Variants in IFT140 observed in about 807,000 individuals in gnomAD.
IFT140 encodes the protein intraflagellar transport protein 140 homolog.
IFT140 carries 133 observed loss-of-function variants against 164.6 expected under a neutral mutation model. That is an observed-to-expected ratio of 0.81 (90% CI 0.70 to 0.93). IFT140 has a LOEUF of 0.93. Among genes scored for constraint, IFT140 ranks in the 40% least tolerant of loss-of-function variants. The pLI is 0.00. For synonymous variants in IFT140, 860 were observed against 817.3 expected, an observed-to-expected ratio of 1.05 and a Z score of -0.89; for missense variants, 2,045 against 1,972.3, an observed-to-expected ratio of 1.04 and a Z score of -0.70.
At chr16:1,558,793 C>T (rs1008320232) in intron 18 of IFT140, among the ~76,000 whole-genome samples, 6 of 152,238 alleles carry the variant, frequency 3.9e-5, no homozygotes, top group African/African-American at 9.6e-5. Context: ...CGCACTCCCC[C>T]GTGTGAAACG....
intron 15 of IFT140, 105 bp downstream of exon 15, chr16:1,568,111 AG>A: frequency 1.3e-6 from 1 of 763,338 alleles, no homozygotes; most frequent in Non-Finnish European, 2.2e-6. Context: ...AACACAGGAC[AG>A]GAAGACTTGC....
intron 19 of IFT140, chr16:1,555,705 C>T (rs375242403): frequency 6.6e-6 from 1 of 152,288 alleles, no homozygotes; most frequent in African/African-American, 2.4e-5. Flanking sequence ...GGCATACACA[C>T]TCTTATCCAC....
At chr16:1,585,948 T>C (rs1408310765) in intron 10 of IFT140, among the ~76,000 whole-genome samples, 182 bp downstream of exon 10, 3 of 151,978 alleles carry the variant, frequency 2.0e-5, no homozygotes, top group Admixed American at 2.0e-4. Flanking sequence ...TTTTTTGTAT[T>C]TTTTAGTAGA....
At position 1,531,696 on chromosome 16, in the gene IFT140, G is replaced by A. The variant is rs1318708026; in HGVS notation, c.2400-4900C>T. 6.6e-6 allele frequency: 1 copy of A among 152,370 alleles called. No homozygotes were observed. Among genetic ancestry groups the A allele is most frequent in the South Asian group, 2.1e-4 (1 of 4,834 alleles). The allele number at this position is 152,370 out of a possible 1,614,324, so 9.4% of individuals were successfully genotyped here. A position where few individuals can be genotyped will look rare whatever the true frequency, so the allele number is the denominator to read the frequency against. On this transcript the variant is annotated intron_variant, in intron 19 of 30. Transcript: ENST00000426508. This position sits in a 1 kb window ranked among gnomAD's most constrained non-coding sequence, Gnocchi z 4.7. The stretch of plus-strand genomic sequence containing the variant: ...CCTCCCGCGCCCAGCCTGCCATAGC[G>A]CGCAGGGTTAGAAGCGGCGTGACAG...
In IFT140 at chr16:1,520,833, G is replaced by T; in HGVS notation, c.3454-25C>A. The T allele has an allele frequency of 1.9e-6, 3 of 1,588,056 alleles. No individual in the cohort carries two copies. The South Asian group carries it at 3.3e-5, about 18-fold the overall frequency. On this transcript the variant is annotated intron_variant, in intron 26 of 30. Coordinates refer to ENST00000426508, the MANE Select transcript of IFT140 (RefSeq NM_014714.4). Reference sequence around the variant, plus strand: ...ACTGCAAAGGTGCAGAAATGGGACGGGGCTGCCGAGGGGGCCGGGAACTGA... The same window carrying T: ...ACTGCAAAGGTGCAGAAATGGGACGTGGCTGCCGAGGGGGCCGGGAACTGA...
At chr16:1,520,432 G>T in intron 27 of IFT140, 89 bp from the exon 28 acceptor site, 2 of 1,447,404 alleles carry the variant, frequency 1.4e-6, no homozygotes, top group Non-Finnish European at 1.9e-6. Flanking sequence ...CACAAGAAGA[G>T]TGGCTCAGGG....
intron 24 of IFT140, 32 bp from the exon 25 acceptor site, chr16:1,523,988 CTCCCACTGGCT>C: frequency 6.2e-7 from 1 of 1,600,682 alleles, no homozygotes; most frequent in Non-Finnish European, 8.5e-7. Context: ...CCTGAAGCGG[CTCCCACTGGCT>C]TCCCCAGGTC....
At chr16:1,517,889 G>C (rs2141133211) in intron 30 of IFT140, among the ~76,000 whole-genome samples, 1 of 152,174 alleles carries the variant, frequency 6.6e-6, no homozygotes, top group East Asian at 1.9e-4. Context: ...CCAGGCTGGA[G>C]TGCAGTGGCG....
intron 19 of IFT140, among the ~76,000 whole-genome samples, chr16:1,556,478 C>T (rs55963259): frequency 0.082 from 12,462 of 152,350 alleles, 618 homozygotes; most frequent in African/African-American, 0.13. Flanking sequence ...ACGGTCGGGG[C>T]CGGGCCATCA....
Position 1,520,154 on chromosome 16 carries a change from C to G in IFT140, c.3850G>C (p.Gly1284Arg), listed in dbSNP as rs1355939213. Residue 1284 changes from glycine (G) to arginine (R), a missense_variant, in exon 28 of 31, where the codon GGC becomes CGC. Transcript: ENST00000426508. ...ACCTGGGCACAAGCGTCATAAAAGC[C>G]AGCCAGGAGGTCCAGGGCCCGCCCC... ...TKGRALDLLA[G>R]FYDACAQVEI... is the part of the protein sequence containing the mutation. 1.2e-6 allele frequency: 2 copies of G among 1,614,178 alleles called. No homozygotes were observed. Among genetic ancestry groups the G allele is most frequent in the Non-Finnish European group, 1.7e-6 (2 of 1,179,996 alleles).
chr16:1,517,071 G>C (rs2040376460), intron 30 of IFT140, among the ~76,000 whole-genome samples: 1 of 151,946 alleles, frequency 6.6e-6, no homozygotes, highest in African/African-American at 2.4e-5. Flanking sequence ...GAGGAAAAAA[G>C]GAATAGAAGG....
At chr16:1,526,821 G>C in intron 19 of IFT140, 25 bp from the exon 20 acceptor site, 1 of 1,597,530 alleles carries the variant, frequency 6.3e-7, no homozygotes. Flanking sequence ...GGGTCTGTGA[G>C]GCTCCTGCCC....
chr16:1,566,057 G>A, intron 16 of IFT140, 104 bp downstream of exon 16: 1 of 1,051,928 alleles, frequency 9.5e-7, no homozygotes, highest in Non-Finnish European at 1.4e-6. Flanking sequence ...GGTGCCTGCT[G>A]GGGCCTTTTG....
Position 1,510,913 on chromosome 16 carries a change from A to G in IFT140, c.*31T>C, listed in dbSNP as rs1172325157. The G allele has an allele frequency of 2.5e-6, 4 of 1,591,436 alleles. No homozygotes were observed. The highest frequency in any genetic ancestry group is 3.4e-6 in the Non-Finnish European group (4 of 1,165,756). On this transcript the variant is annotated 3_prime_UTR_variant, in exon 31 of 31. Transcript: ENST00000426508. ...AAAATTCCAGAAGATGCCTTTCTGC[A>G]GCAGCACGCTGGTCCTGGGGCCCAG...
chr16:1,578,693 A>C (rs1174094902), intron 13 of IFT140, among the ~76,000 whole-genome samples: 1 of 152,142 alleles, frequency 6.6e-6, no homozygotes, highest in Non-Finnish European at 1.5e-5. Flanking sequence ...CAGCCTAGCC[A>C]ATGTGGTGAA....
At chr16:1,554,048 G>C in intron 19 of IFT140, 1 of 1,287,216 alleles carries the variant, frequency 7.8e-7, no homozygotes, top group Non-Finnish European at 1.0e-6. Context: ...GCTCTGGAAA[G>C]AGAGGGGAAA....
In IFT140 at chr16:1,520,812, C is replaced by A; in HGVS notation, c.3454-4G>T. On this transcript the variant is annotated splice_polypyrimidine_tract_variant and splice_region_variant and intron_variant, in intron 26 of 30. Transcript: ENST00000426508. ...ACAGCTGCAGGGCTTCCTGATACTGCAAAGGTGCAGAAATGGGACGGGGCT... is the reference window on the plus strand; with the variant it reads ...ACAGCTGCAGGGCTTCCTGATACTGAAAAGGTGCAGAAATGGGACGGGGCT... The A allele has an allele frequency of 6.2e-7, 1 of 1,601,168 alleles. No homozygotes were observed. Among genetic ancestry groups the A allele is most frequent in the Non-Finnish European group, 8.5e-7 (1 of 1,179,636 alleles).
rs576210263 is a variant in IFT140 at position 1,609,137 on chromosome 16, A to G, written c.-32+1527T>C. 9.2e-5 allele frequency among the ~76,000 whole-genome samples: 14 copies of G among 152,264 alleles called. No homozygotes were observed. The East Asian group carries it at 2.7e-3, about 29-fold the overall frequency. On this transcript the variant is annotated intron_variant, in intron 2 of 30. Transcript: ENST00000426508. The stretch of plus-strand genomic sequence containing the variant: ...GCCACTGCACTCCAGTCTGGGCGAC[A>G]GAGCAAAACTGTTTAAAAAAAAAAG...
chr16:1,525,780 C>T (rs2141178390), intron 21 of IFT140, 107 bp downstream of exon 21: 3 of 1,152,602 alleles, frequency 2.6e-6, no homozygotes, highest in Non-Finnish European at 3.5e-6. Context: ...GAGACAGACG[C>T]CTCCTCTAAG....
Sources: gnomAD v4.1 joint callset for allele counts (sites outside exome capture counted in the v4.1 genomes callset) on GRCh38, gnomAD v4.1.1 for gene constraint, Gnocchi (gnomAD v3.1) non-coding constraint, MANE v1.5 for transcripts, NCBI Gene and HGNC (gene_info 2026-07-23, HGNC 2026-07-21) for gene names.